FHIT: variants seen among roughly 807,000 people sequenced by gnomAD.
The protein encoded by FHIT is bis(5'-adenosyl)-triphosphatase.
Under a neutral mutation model 17.9 loss-of-function variants are expected in FHIT, and 19 were observed. The observed-to-expected ratio is 1.06, with a 90% CI of 0.74 to 1.56. The LOEUF is 1.56. Ranked by LOEUF, FHIT falls within the 40% of genes most tolerant of loss-of-function variation. The probability of loss-of-function intolerance (pLI) is 0.00; values close to 1 mark genes in which losing one functional copy is unlikely to be tolerated. For missense variants in FHIT, 248 were observed against 189.2 expected (o/e 1.31, Z -1.82); for synonymous variants, 81 against 69.7 (o/e 1.16, Z -0.81).
intron 3 of FHIT, among the ~76,000 whole-genome samples, chr3:60,881,231 A>G (rs1232914908): frequency 6.6e-6 from 1 of 152,254 alleles, no homozygotes; most frequent in Non-Finnish European, 1.5e-5. Flanking sequence ...AAAGGAATCA[A>G]TTCAGCAAGA....
At chr3:60,928,365 T>TA (rs1707763375) in intron 3 of FHIT, among the ~76,000 whole-genome samples, 1 of 89,088 alleles carries the variant, frequency 1.1e-5, no homozygotes, top group Non-Finnish European at 2.2e-5. Flanking sequence ...ATGAAAGAAC[T>TA]TTAAAAAAAA....
intron 5 of FHIT, among the ~76,000 whole-genome samples, chr3:60,367,053 T>C (rs1216165204): frequency 6.6e-6 from 1 of 152,356 alleles, no homozygotes; most frequent in East Asian, 1.9e-4. Context: ...GAGGTTTTTG[T>C]GTTAGGCCAT....
At chr3:60,442,739 T>C (rs1559917354) in intron 5 of FHIT, among the ~76,000 whole-genome samples, 1 of 152,214 alleles carries the variant, frequency 6.6e-6, no homozygotes, top group Admixed American at 6.5e-5. Flanking sequence ...TGGCTCAGGA[T>C]TGACTTGGCA....
intron 4 of FHIT, among the ~76,000 whole-genome samples, chr3:60,798,654 G>A (rs1226090498): frequency 6.6e-6 from 1 of 151,258 alleles, no homozygotes; most frequent in Admixed American, 6.6e-5. Context: ...AGGCCCTACT[G>A]TCTTGAATTA....
chr3:60,780,357 C>T (rs1700342795), intron 4 of FHIT, among the ~76,000 whole-genome samples: 1 of 152,132 alleles, frequency 6.6e-6, no homozygotes. Context: ...AACTGGTTAG[C>T]TTAGGATTGG....
intron 7 of FHIT, among the ~76,000 whole-genome samples, chr3:59,985,580 T>C (rs1366005820): frequency 6.6e-6 from 1 of 152,146 alleles, no homozygotes; most frequent in Non-Finnish European, 1.5e-5. Flanking sequence ...TCTTTACCAT[T>C]TGGCATTTCC....
At chr3:61,035,453 AC>A (rs1272869392) in intron 3 of FHIT, among the ~76,000 whole-genome samples, 1 of 152,174 alleles carries the variant, frequency 6.6e-6, no homozygotes, top group Non-Finnish European at 1.5e-5. Flanking sequence ...TTGTTAAACT[AC>A]CCAAAATTTA....
intron 9 of FHIT, chr3:59,751,508 G>C: frequency 4.7e-6 from 1 of 214,484 alleles, no homozygotes. Flanking sequence ...TTGCCAGATA[G>C]ATCTAGGCAT....
intron 3 of FHIT, among the ~76,000 whole-genome samples, chr3:61,013,626 A>G (rs2031917400): frequency 6.6e-6 from 1 of 152,192 alleles, no homozygotes; most frequent in Non-Finnish European, 1.5e-5. Context: ...ATAGAAAAGA[A>G]GGGAGAGAGA....
At position 60,193,942 on chromosome 3, in the gene FHIT, T is replaced by G. The variant is rs905975816; in HGVS notation, c.104-179790A>C. On this transcript the variant is annotated intron_variant, in intron 5 of 9. Coordinates refer to ENST00000492590, the MANE Select transcript of FHIT (RefSeq NM_002012.4). Reference sequence around the variant, plus strand: ...CAATCTAAAGAACTTGAAAGTATCATAGACGACACAAATGTGAAGACATCC... The same window carrying G: ...CAATCTAAAGAACTTGAAAGTATCAGAGACGACACAAATGTGAAGACATCC... Among the ~76,000 whole-genome samples, 3 of 152,284 alleles carry G rather than the reference T, an allele frequency of 2.0e-5. No individual in the cohort carries two copies. The South Asian group carries it at 6.2e-4, about 32-fold the overall frequency.
At chr3:60,561,218 T>TAG (rs1402211699) in intron 4 of FHIT, among the ~76,000 whole-genome samples, 1 of 152,020 alleles carries the variant, frequency 6.6e-6, no homozygotes, top group African/African-American at 2.4e-5. Context: ...ACCAATCAGA[T>TAG]AGACGCTAAG....
chr3:61,250,797 T>G (rs1223864435), intron 1 of FHIT, among the ~76,000 whole-genome samples: 1 of 152,226 alleles, frequency 6.6e-6, no homozygotes, highest in Non-Finnish European at 1.5e-5. Context: ...TCTTTGCCTG[T>G]TTTTGAAGTA....
chr3:60,693,887 A>T (rs2041051651), intron 4 of FHIT, among the ~76,000 whole-genome samples: 1 of 152,234 alleles, frequency 6.6e-6, no homozygotes, highest in South Asian at 2.1e-4. Flanking sequence ...CTCTTTAGCT[A>T]CACCAGCACT....
In FHIT at chr3:59,953,240, T is replaced by A. The variant is rs1707212852; in HGVS notation, c.280-30826A>T. ...TCTACGTGTGTACCTCTTTCTTGGTTTCTCTGTGGCTGTCTCTCTGTTTCT... is the reference window on the plus strand; with the variant it reads ...TCTACGTGTGTACCTCTTTCTTGGTATCTCTGTGGCTGTCTCTCTGTTTCT... On this transcript the variant is annotated intron_variant, in intron 7 of 9. Transcript: ENST00000492590. 1.3e-5 allele frequency among the ~76,000 whole-genome samples: 2 copies of A among 152,028 alleles called. 1 individual carries two copies. Among genetic ancestry groups the A allele is most frequent in the South Asian group, 4.2e-4 (2 of 4,806 alleles).
At chr3:60,187,207 C>T (rs1425945516) in intron 5 of FHIT, among the ~76,000 whole-genome samples, 2 of 152,208 alleles carry the variant, frequency 1.3e-5, no homozygotes, top group African/African-American at 2.4e-5. Context: ...CTGGAGTCAG[C>T]GTGCAAAATG....
At chr3:60,909,880 T>C (rs1399680807) in intron 3 of FHIT, among the ~76,000 whole-genome samples, 3 of 152,116 alleles carry the variant, frequency 2.0e-5, no homozygotes, top group African/African-American at 7.2e-5. Context: ...CCTGCCTCAG[T>C]ATATGGTCTT....
intron 8 of FHIT, among the ~76,000 whole-genome samples, chr3:59,775,816 C>A (rs17061197): frequency 5.9e-5 from 9 of 152,006 alleles, no homozygotes; most frequent in Non-Finnish European, 1.3e-4. Flanking sequence ...CACAGATGGC[C>A]TCTGAGAGGA....
intron 2 of FHIT, among the ~76,000 whole-genome samples, chr3:61,064,644 T>C (rs936085948): frequency 3.3e-5 from 5 of 152,172 alleles, no homozygotes; most frequent in Non-Finnish European, 7.3e-5. Context: ...ACACAGAGTG[T>C]GCAACTAGAT....
intron 5 of FHIT, among the ~76,000 whole-genome samples, chr3:60,273,358 C>T (rs1419872329): frequency 6.6e-6 from 1 of 151,306 alleles, no homozygotes; most frequent in Non-Finnish European, 1.5e-5. Flanking sequence ...CCTGTAATCC[C>T]AGCACTTTGG....
Sources: allele counts gnomAD v4.1 joint callset (sites outside exome capture counted in the v4.1 genomes callset), GRCh38; gene constraint gnomAD v4.1.1; transcripts MANE v1.5; gene names NCBI Gene and HGNC (gene_info 2026-07-23, HGNC 2026-07-21).